The following RASAL2 variants were observed in gnomAD, a reference collection of about 807,000 sequenced individuals.
The protein encoded by RASAL2 is RAS protein activator like 2, also known as ras GTPase-activating protein nGAP.
In RASAL2, 58 loss-of-function variants were observed where a neutral mutation model predicts 128.9. That is an observed-to-expected ratio of 0.45 (90% CI 0.36 to 0.56). The LOEUF (loss-of-function observed/expected upper bound fraction) is 0.56. RASAL2 is among the 20% of genes least tolerant of loss of function. The probability of loss-of-function intolerance (pLI) is 0.00; values close to 1 mark genes in which losing one functional copy is unlikely to be tolerated. For missense variants in RASAL2, 1,360 were observed against 1,601.6 expected (o/e 0.85, Z 2.57); for synonymous variants, 561 against 580.8 (o/e 0.97, Z 0.49).
Position 178,094,463 on chromosome 1 carries a change from C to T in RASAL2, c.-30C>T, listed in dbSNP as rs1350371894. On this transcript the variant is annotated 5_prime_UTR_variant, in exon 1 of 18. Transcript: ENST00000367649. Reference sequence around the variant, plus strand: ...GCGCGCCAGCCCGCCCCGAAGCCGCCGCCTCGTCCCCCTCCCGCCTCGGGG... The same window carrying T: ...GCGCGCCAGCCCGCCCCGAAGCCGCTGCCTCGTCCCCCTCCCGCCTCGGGG... 7 of 1,518,550 alleles carry T rather than the reference C, an allele frequency of 4.6e-6. No homozygotes were observed. Among genetic ancestry groups the T allele is most frequent in the Non-Finnish European group, 6.2e-6 (7 of 1,134,296 alleles). The allele number at this position is 1,518,550 out of a possible 1,614,324, so 94.1% of individuals were successfully genotyped here. A position where few individuals can be genotyped will look rare whatever the true frequency, so the allele number is the denominator to read the frequency against.
chr1:178,250,823 G>A (rs192091416), intron 1 of RASAL2, among the ~76,000 whole-genome samples: 7 of 152,182 alleles, frequency 4.6e-5, no homozygotes, highest in Admixed American at 2.6e-4. Context: ...GCTTAGTCAC[G>A]TTATTTTGAA....
chr1:178,152,783 G>C (rs1660959029), intron 1 of RASAL2, among the ~76,000 whole-genome samples: 1 of 152,196 alleles, frequency 6.6e-6, no homozygotes, highest in African/African-American at 2.4e-5. Context: ...AGCTTCAACA[G>C]TGGTCAACTC....
intron 4 of RASAL2, among the ~76,000 whole-genome samples, chr1:178,407,039 A>G (rs1674045414): frequency 6.6e-6 from 1 of 152,170 alleles, no homozygotes; most frequent in Non-Finnish European, 1.5e-5. Context: ...AAAGATTCCG[A>G]TATATCAGAT....
chr1:178,260,081 G>A (rs866276691), intron 1 of RASAL2, among the ~76,000 whole-genome samples: 2 of 151,510 alleles, frequency 1.3e-5, no homozygotes, highest in African/African-American at 2.4e-5. Flanking sequence ...GGCCAGGCGC[G>A]TTGGCTCACG....
At chr1:178,142,645 G>A (rs1406194215) in intron 1 of RASAL2, among the ~76,000 whole-genome samples, 1 of 152,066 alleles carries the variant, frequency 6.6e-6, no homozygotes, top group Non-Finnish European at 1.5e-5. Context: ...TCATTTTCTC[G>A]ACTGTTCTTG....
At chr1:178,226,756 G>A (rs1217460883) in intron 1 of RASAL2, among the ~76,000 whole-genome samples, 2 of 152,136 alleles carry the variant, frequency 1.3e-5, no homozygotes, top group Non-Finnish European at 2.9e-5. Context: ...AGACCAGCCT[G>A]GCCAACATGG....
At chr1:178,451,875 C>T (rs749993837) in intron 10 of RASAL2, among the ~76,000 whole-genome samples, 160 bp downstream of exon 10, 2 of 152,090 alleles carry the variant, frequency 1.3e-5, no homozygotes, top group Admixed American at 6.6e-5. Flanking sequence ...AATACAGTCC[C>T]GTCTAAAATT....
intron 9 of RASAL2, among the ~76,000 whole-genome samples, chr1:178,447,348 T>C (rs1572091851): frequency 6.8e-6 from 1 of 146,956 alleles, no homozygotes. Context: ...TAAATAAAGG[T>C]GAAGAAAGCC....
At chr1:178,163,767 C>T (rs1444421382) in intron 1 of RASAL2, among the ~76,000 whole-genome samples, 1 of 152,006 alleles carries the variant, frequency 6.6e-6, no homozygotes, top group Admixed American at 6.6e-5. Context: ...TATTTGGAGG[C>T]CCTTGTTATT....
At chr1:178,242,507 C>G (rs1664561589) in intron 1 of RASAL2, among the ~76,000 whole-genome samples, 1 of 147,204 alleles carries the variant, frequency 6.8e-6, no homozygotes, top group African/African-American at 2.5e-5. Flanking sequence ...TTGTCTCTCT[C>G]TCTCCCCACT....
intron 1 of RASAL2, among the ~76,000 whole-genome samples, chr1:178,165,158 TATCAA>T (rs1661477510): frequency 6.6e-6 from 1 of 151,978 alleles, no homozygotes; most frequent in Non-Finnish European, 1.5e-5. Flanking sequence ...CCCCCACAGA[TATCAA>T]AGTAAAACTG....
At chr1:178,295,257 CAAAAA>C (rs1006848274) in intron 2 of RASAL2, among the ~76,000 whole-genome samples, 4 of 138,456 alleles carry the variant, frequency 2.9e-5, no homozygotes, top group Admixed American at 7.2e-5. Context: ...AAAAAAAAAA[CAAAAA>C]AAAACCAGGG....
At chr1:178,187,277 T>C (rs1303002929) in intron 1 of RASAL2, among the ~76,000 whole-genome samples, 2 of 152,328 alleles carry the variant, frequency 1.3e-5, no homozygotes, top group South Asian at 2.1e-4. Flanking sequence ...CCATATCTTA[T>C]TGTTCACTGA....
At chr1:178,456,398 T>C (rs1677776402) in intron 12 of RASAL2, 1 of 380,056 alleles carries the variant, frequency 2.6e-6, no homozygotes, top group South Asian at 3.3e-5. Context: ...TTTAGTTTGC[T>C]TCGCATGCCT....
intron 1 of RASAL2, among the ~76,000 whole-genome samples, chr1:178,198,962 G>T (rs1217899356): frequency 6.6e-6 from 1 of 152,164 alleles, no homozygotes; most frequent in East Asian, 1.9e-4. Context: ...ATTGAGCTGC[G>T]GTGGGCTCCA....
chr1:178,161,022 A>C (rs1293726217), intron 1 of RASAL2, among the ~76,000 whole-genome samples: 3 of 152,052 alleles, frequency 2.0e-5, no homozygotes, highest in Non-Finnish European at 4.4e-5. Context: ...CATAGGTGAG[A>C]GTTCCCGCAA....
At position 178,443,118 on chromosome 1, in the gene RASAL2, C is replaced by T; in HGVS notation, c.1371C>T (p.Thr457=). 7 of 1,613,832 alleles carry T rather than the reference C, an allele frequency of 4.3e-6. No individual in the cohort carries two copies. Among genetic ancestry groups the T allele is most frequent in the Non-Finnish European group, 5.9e-6 (7 of 1,179,846 alleles). ...EQYKEFAEFV[T]SNYTMLCSVL... ...ACAAAGAATTTGCAGAATTTGTCAC[C>T]AGCAACTACACCATGCTGTGTTCTG... The change falls in exon 8 of 18, where the codon ACC becomes ACT. Residue 457 remains threonine (T), a synonymous_variant. Transcript: ENST00000367649.
intron 1 of RASAL2, among the ~76,000 whole-genome samples, chr1:178,267,627 T>TTTA (rs1666029446): frequency 6.7e-6 from 1 of 150,246 alleles, no homozygotes; most frequent in East Asian, 1.9e-4. Context: ...AGTGTCTTTT[T>TTTA]TTTTTTTTTT....
intron 11 of RASAL2, among the ~76,000 whole-genome samples, 167 bp downstream of exon 11, chr1:178,452,819 A>G (rs1677478870): frequency 1.3e-5 from 2 of 152,232 alleles, no homozygotes; most frequent in South Asian, 2.1e-4. Flanking sequence ...TCATAGAGGA[A>G]TGGTTAAGTA....
Sources: gnomAD v4.1 joint callset for allele counts (sites outside exome capture counted in the v4.1 genomes callset) on GRCh38, gnomAD v4.1.1 for gene constraint, MANE v1.5 for transcripts, NCBI Gene and HGNC (gene_info 2026-07-23, HGNC 2026-07-21) for gene names.